RIMS1: variants seen among roughly 807,000 people sequenced by gnomAD.
The protein encoded by RIMS1 is regulating synaptic membrane exocytosis protein 1.
RIMS1 carries 83 observed loss-of-function variants against 214.1 expected under a neutral mutation model. That is an observed-to-expected ratio of 0.39 (90% confidence interval 0.32 to 0.47). The LOEUF is 0.47. RIMS1 is among the 20% of genes least tolerant of loss of function. The pLI is 0.99. For synonymous variants in RIMS1, 793 were observed against 786.8 expected, an observed-to-expected ratio of 1.01 and a Z score of -0.13; for missense variants, 2,050 against 2,161.8, an observed-to-expected ratio of 0.95 and a Z score of 1.03.
intron 1 of RIMS1, among the ~76,000 whole-genome samples, chr6:71,909,210 T>A (rs1776191314): frequency 6.6e-6 from 1 of 152,186 alleles, no homozygotes; most frequent in Non-Finnish European, 1.5e-5. Flanking sequence ...TTGGCCAGGC[T>A]GGTCTCAAAC....
intron 4 of RIMS1, among the ~76,000 whole-genome samples, chr6:72,150,215 A>C (rs1033550493): frequency 3.3e-5 from 5 of 152,106 alleles, no homozygotes; most frequent in African/African-American, 7.2e-5. Flanking sequence ...AGGCTAAAAA[A>C]AGGCCAGTCA....
intron 2 of RIMS1, among the ~76,000 whole-genome samples, chr6:72,009,342 T>A (rs1463633518): frequency 6.6e-6 from 1 of 152,188 alleles, no homozygotes. Flanking sequence ...GAGGGAAATT[T>A]ATAGCAGTAA....
At chr6:72,038,314 T>C (rs1820515837) in intron 2 of RIMS1, among the ~76,000 whole-genome samples, 1 of 151,452 alleles carries the variant, frequency 6.6e-6, no homozygotes, top group African/African-American at 2.4e-5. Context: ...CTTTTTTAAG[T>C]AGGCTTTTGA....
intron 29 of RIMS1, among the ~76,000 whole-genome samples, chr6:72,366,557 T>C (rs2098028228): frequency 6.6e-6 from 1 of 152,206 alleles, no homozygotes; most frequent in Non-Finnish European, 1.5e-5. Flanking sequence ...TTCAAATTTA[T>C]GACACATGGC....
In RIMS1 at chr6:71,937,679, G is replaced by T. The variant is rs560337157; in HGVS notation, c.165-31304G>T. On this transcript the variant is annotated intron_variant, in intron 1 of 33. Transcript: ENST00000521978. ...CATGAGACAGAGAGGGAAAATGGGG[G>T]CTGAACTCCTGTGATAATGGCATCA... is the stretch of plus-strand genomic sequence containing the variant. Among the ~76,000 whole-genome samples the T allele has an allele frequency of 2.6e-5, 4 of 152,140 alleles. No homozygotes were observed. The South Asian group carries it at 8.3e-4, about 31-fold the overall frequency.
chr6:72,261,129 C>A (rs920212020), intron 19 of RIMS1: 3 of 1,087,484 alleles, frequency 2.8e-6, no homozygotes, highest in Admixed American at 4.8e-5. Context: ...GAGGTCTAAT[C>A]TGTGTATGGC....
At chr6:72,350,032 A>G (rs2097391243) in intron 29 of RIMS1, among the ~76,000 whole-genome samples, 1 of 151,994 alleles carries the variant, frequency 6.6e-6, no homozygotes, top group Admixed American at 6.6e-5. Context: ...GTAAAAATTT[A>G]CTCTCACTTC....
intron 19 of RIMS1, chr6:72,261,414 AT>A: frequency 2.0e-6 from 2 of 985,562 alleles, no homozygotes; most frequent in Non-Finnish European, 2.4e-6. Context: ...GACAAAAGAT[AT>A]AATTTTTGCT....
chr6:72,254,270 G>T (rs187319445), intron 16 of RIMS1, among the ~76,000 whole-genome samples: 15 of 152,208 alleles, frequency 9.9e-5, no homozygotes, highest in African/African-American at 3.6e-4. Context: ...AACCTTTGAT[G>T]TCAGTGTATC....
intron 27 of RIMS1, among the ~76,000 whole-genome samples, chr6:72,310,012 A>G (rs911866032): frequency 6.6e-6 from 1 of 152,066 alleles, no homozygotes; most frequent in Non-Finnish European, 1.5e-5. Flanking sequence ...ATAAAGATCT[A>G]TTTTTATGGC....
intron 4 of RIMS1, among the ~76,000 whole-genome samples, chr6:72,109,221 T>C (rs1382690944): frequency 1.3e-5 from 2 of 152,150 alleles, no homozygotes; most frequent in African/African-American, 4.8e-5. Flanking sequence ...TACCCAGTAA[T>C]GGGATGGCTG....
Position 72,313,664 on chromosome 6 carries a change from T to C in RIMS1, c.4122T>C (p.Gly1374=). The change falls in exon 28 of 34, where the codon GGT becomes GGC. Residue 1374 remains glycine, a synonymous_variant. Coordinates refer to ENST00000521978, the MANE Select transcript of RIMS1 (RefSeq NM_014989.7). ...CAGAGCAATCTGAGCGCCCCAGGGGTAGAATCAGGTGAGTTGGCAATACTG... is the reference window on the plus strand; with the variant it reads ...CAGAGCAATCTGAGCGCCCCAGGGGCAGAATCAGGTGAGTTGGCAATACTG... ...FMSEQSERPR[G]RISSFTPKMQ... 6.2e-7 allele frequency: 1 copy of C among 1,611,918 alleles called. No individual in the cohort carries two copies. The highest frequency in any genetic ancestry group is 8.5e-7 in the Non-Finnish European group (1 of 1,178,904).
chr6:72,304,728 A>G (rs540687811), intron 26 of RIMS1, among the ~76,000 whole-genome samples: 15 of 152,130 alleles, frequency 9.9e-5, no homozygotes, highest in South Asian at 4.1e-4. Context: ...TTATTTCAGA[A>G]TATGCACTAA....
intron 6 of RIMS1, among the ~76,000 whole-genome samples, chr6:72,225,239 G>T (rs1461336148): frequency 6.7e-6 from 1 of 150,330 alleles, no homozygotes; most frequent in Non-Finnish European, 1.5e-5. Context: ...CTACTTTTTT[G>T]TAGATTAATA....
chr6:72,026,991 G>A (rs935187722), intron 2 of RIMS1, among the ~76,000 whole-genome samples: 5 of 152,154 alleles, frequency 3.3e-5, no homozygotes, highest in Non-Finnish European at 5.9e-5. Context: ...TGCAGTTTAA[G>A]CTCTAAATTC....
At chr6:72,009,253 A>G (rs554594280) in intron 2 of RIMS1, among the ~76,000 whole-genome samples, 122 of 152,350 alleles carry the variant, frequency 8.0e-4, no homozygotes, top group African/African-American at 2.8e-3. Flanking sequence ...GAAGGCAGAA[A>G]TAAAGATGTT....
chr6:72,110,385 T>G (rs1055892804), intron 4 of RIMS1, among the ~76,000 whole-genome samples: 2 of 151,854 alleles, frequency 1.3e-5, no homozygotes, highest in Admixed American at 6.6e-5. Flanking sequence ...CTTTGAGCAG[T>G]GGTTTGTAGT....
intron 2 of RIMS1, among the ~76,000 whole-genome samples, chr6:71,969,702 G>C (rs1795362511): frequency 6.6e-6 from 1 of 152,116 alleles, no homozygotes; most frequent in African/African-American, 2.4e-5. Flanking sequence ...CCAGCTACTT[G>C]GGAGGCTGAG....
intron 1 of RIMS1, among the ~76,000 whole-genome samples, chr6:71,947,624 A>G (rs1470423257): frequency 1.3e-5 from 2 of 152,120 alleles, no homozygotes; most frequent in African/African-American, 2.4e-5. Context: ...AGAGATTTAT[A>G]TTACATCATG....
Sources: allele counts gnomAD v4.1 joint callset (sites outside exome capture counted in the v4.1 genomes callset), GRCh38; gene constraint gnomAD v4.1.1; transcripts MANE v1.5; gene names NCBI Gene and HGNC (gene_info 2026-07-23, HGNC 2026-07-21).